The following RBFOX1 variants were observed in gnomAD, a reference collection of about 807,000 sequenced individuals.
The protein encoded by RBFOX1 is RNA binding fox-1 homolog 1.
In RBFOX1, 8 loss-of-function variants were observed where a neutral mutation model predicts 57.7. The observed-to-expected ratio is 0.14, with a 90% CI of 0.08 to 0.25. The LOEUF (loss-of-function observed/expected upper bound fraction) is 0.25, where lower values mean the gene tolerates loss of function less well. Among genes scored for constraint, RBFOX1 ranks in the 10% least tolerant of loss-of-function variants. The pLI, the probability that RBFOX1 is intolerant of heterozygous loss-of-function variation, is 1.00. For missense variants in RBFOX1, 611 were observed against 548.5 expected, an observed-to-expected ratio of 1.11 and a Z score of -1.14; for synonymous variants, 326 against 222.4, an observed-to-expected ratio of 1.47 and a Z score of -4.15.
intron 2 of RBFOX1, among the ~76,000 whole-genome samples, chr16:6,569,021 C>G (rs1302921753): frequency 6.6e-6 from 1 of 152,114 alleles, no homozygotes; most frequent in Admixed American, 6.5e-5. Context: ...GATCTGCCTA[C>G]CTCAGCCTCC....
intron 2 of RBFOX1, among the ~76,000 whole-genome samples, chr16:6,478,408 TATATATATATATATATATATA>T (rs1474672309): frequency 3.0e-3 from 68 of 22,296 alleles, no homozygotes; most frequent in South Asian, 7.5e-3. Context: ...TATATATATA[TATATATATATATATATATATA>T]TTTTTTTTTT....
At chr16:5,570,777 T>C (rs1256895169) in intron 2 of RBFOX1, among the ~76,000 whole-genome samples, 1 of 151,054 alleles carries the variant, frequency 6.6e-6, no homozygotes, top group African/African-American at 2.4e-5. Context: ...GAGATCGAGG[T>C]TGTAGTGAGC....
chr16:6,944,448 C>T (rs2079113648), intron 3 of RBFOX1, among the ~76,000 whole-genome samples: 1 of 151,688 alleles, frequency 6.6e-6, no homozygotes. Context: ...CACACCCTTG[C>T]TTGGCCACTT....
chr16:7,018,457 A>T (rs943582436), intron 3 of RBFOX1, among the ~76,000 whole-genome samples: 3 of 152,146 alleles, frequency 2.0e-5, no homozygotes, highest in East Asian at 1.9e-4. Flanking sequence ...TTGAAATACA[A>T]CGTCTAATCC....
intron 4 of RBFOX1, among the ~76,000 whole-genome samples, chr16:5,938,211 CTGGG>C (rs1219206425): frequency 2.8e-4 from 43 of 152,124 alleles, no homozygotes; most frequent in Non-Finnish European, 5.0e-4. Context: ...TGGTGTCTTC[CTGGG>C]AAGTATATAG....
At chr16:6,210,132 A>G (rs1461059935) in intron 1 of RBFOX1, among the ~76,000 whole-genome samples, 1 of 151,844 alleles carries the variant, frequency 6.6e-6, no homozygotes, top group Non-Finnish European at 1.5e-5. Flanking sequence ...AGCCTGGCCA[A>G]CATGGTGAAA....
At chr16:6,729,480 A>G (rs1277755347) in intron 3 of RBFOX1, among the ~76,000 whole-genome samples, 4 of 152,188 alleles carry the variant, frequency 2.6e-5, no homozygotes, top group Non-Finnish European at 5.9e-5. Flanking sequence ...CCAGCAATCC[A>G]TTAAAATGTT....
chr16:6,051,137 A>G (rs1331772488), intron 1 of RBFOX1, among the ~76,000 whole-genome samples: 2 of 151,378 alleles, frequency 1.3e-5, no homozygotes, highest in Non-Finnish European at 2.9e-5. Flanking sequence ...CAAAACTGCA[A>G]TTACTTTTGC....
intron 2 of RBFOX1, among the ~76,000 whole-genome samples, chr16:6,526,298 G>A (rs529580938): frequency 1.4e-4 from 22 of 152,274 alleles, no homozygotes; most frequent in Admixed American, 3.9e-4. Flanking sequence ...TGGGACAAGC[G>A]GAGCCATTTG....
intron 4 of RBFOX1, among the ~76,000 whole-genome samples, chr16:7,243,740 G>T (rs569219548): frequency 9.7e-4 from 148 of 152,118 alleles, no homozygotes; most frequent in Admixed American, 1.6e-3. Context: ...GGTGGAGACA[G>T]GGTTTCGCTG....
intron 4 of RBFOX1, among the ~76,000 whole-genome samples, chr16:5,906,573 C>T (rs576433128): frequency 3.3e-5 from 5 of 152,152 alleles, no homozygotes; most frequent in African/African-American, 1.2e-4. Flanking sequence ...TATGGCAGCC[C>T]TCCAAACGAA....
chr16:7,017,387 C>T (rs1403868195), intron 3 of RBFOX1, among the ~76,000 whole-genome samples: 1 of 152,108 alleles, frequency 6.6e-6, no homozygotes, highest in Non-Finnish European at 1.5e-5. Context: ...ATTTATGGCT[C>T]TCTAATAACG....
intron 3 of RBFOX1, among the ~76,000 whole-genome samples, chr16:6,806,529 C>T (rs934204109): frequency 2.6e-5 from 4 of 151,930 alleles, no homozygotes; most frequent in Non-Finnish European, 5.9e-5. Context: ...ATGAGTTCAC[C>T]ATCTTACATG....
At chr16:5,986,965 G>A (rs1235601737) in intron 4 of RBFOX1, among the ~76,000 whole-genome samples, 1 of 152,164 alleles carries the variant, frequency 6.6e-6, no homozygotes, top group Non-Finnish European at 1.5e-5. Flanking sequence ...TCCTAGAGTG[G>A]CTAAGCGGTT....
At chr16:7,173,949 C>T (rs1040580244) in intron 4 of RBFOX1, among the ~76,000 whole-genome samples, 12 of 152,076 alleles carry the variant, frequency 7.9e-5, no homozygotes, top group Non-Finnish European at 2.9e-5. Context: ...CGCAGAGAAA[C>T]GAAATGAAAG....
chr16:7,024,311 T>G (rs550987609), intron 3 of RBFOX1, among the ~76,000 whole-genome samples: 1 of 152,324 alleles, frequency 6.6e-6, no homozygotes, highest in South Asian at 2.1e-4. Flanking sequence ...TTCTGTGACA[T>G]TGTGCCATCC....
chr16:5,655,941 C>G (rs147724405), intron 3 of RBFOX1, among the ~76,000 whole-genome samples: 5 of 152,298 alleles, frequency 3.3e-5, no homozygotes, highest in Non-Finnish European at 7.3e-5. Context: ...ATTGTGAGCT[C>G]TGAGGAAGAA....
intron 4 of RBFOX1, among the ~76,000 whole-genome samples, chr16:7,299,684 C>T (rs2095984340): frequency 6.6e-6 from 1 of 152,184 alleles, no homozygotes; most frequent in Admixed American, 6.5e-5. Flanking sequence ...CTGCAAAATA[C>T]AGCTCAGAGG....
chr16:6,342,292 A>G (rs985590012), intron 2 of RBFOX1, among the ~76,000 whole-genome samples: 2 of 152,178 alleles, frequency 1.3e-5, no homozygotes, highest in South Asian at 2.1e-4. Flanking sequence ...CACCACGAAG[A>G]TGGACATGTG....
Sources: allele counts gnomAD v4.1 joint callset (sites outside exome capture counted in the v4.1 genomes callset), GRCh38; gene constraint gnomAD v4.1.1; transcripts MANE v1.5; gene names NCBI Gene and HGNC (gene_info 2026-07-23, HGNC 2026-07-21).